PKD1L3: variants seen among roughly 807,000 people sequenced by gnomAD.
PKD1L3 encodes polycystin 1 like 3, transient receptor potential channel interacting, also known as polycystin-1-like protein 3.
In PKD1L3, 239 loss-of-function variants were observed where a neutral mutation model predicts 184.1. The observed-to-expected ratio is 1.30, with a 90% confidence interval of 1.17 to 1.45. PKD1L3 has a LOEUF of 1.45. PKD1L3 is among the 40% of genes most tolerant of loss of function. PKD1L3 has a pLI of 0.00. For missense variants in PKD1L3, 2,660 were observed against 2,067.2 expected (o/e 1.29, Z -5.56); for synonymous variants, 996 against 778.8 (o/e 1.28, Z -4.64).
At chr16:71,964,908 G>A (rs1340948171) in intron 15 of PKD1L3, among the ~76,000 whole-genome samples, 2 of 148,200 alleles carry the variant, frequency 1.3e-5, no homozygotes, top group East Asian at 4.0e-4. Context: ...GTGCAGCGGT[G>A]CGATCTTGGC....
At chr16:71,976,943 CTG>C (rs1349422841) in intron 11 of PKD1L3, among the ~76,000 whole-genome samples, 2 of 152,312 alleles carry the variant, frequency 1.3e-5, no homozygotes, top group South Asian at 2.1e-4. Context: ...CAGGGTTTCA[CTG>C]TGTTAGCCAG....
chr16:71,973,571 T>C (rs2039804427), intron 11 of PKD1L3, 54 bp from the exon 12 acceptor site: 3 of 1,417,806 alleles, frequency 2.1e-6, no homozygotes, highest in East Asian at 2.5e-5. Flanking sequence ...AAAACACCAA[T>C]GAACCTCTCT....
At chr16:71,992,951 C>T (rs1489363819) in intron 3 of PKD1L3, among the ~76,000 whole-genome samples, 1 of 152,168 alleles carries the variant, frequency 6.6e-6, no homozygotes, top group Non-Finnish European at 1.5e-5. Flanking sequence ...TTTAAGACGA[C>T]TACTTTGTTG....
chr16:71,971,583 G>C (rs1052141300), intron 12 of PKD1L3, among the ~76,000 whole-genome samples: 4 of 152,148 alleles, frequency 2.6e-5, no homozygotes, highest in African/African-American at 9.7e-5. Context: ...CAATCAACTG[G>C]TCTGTGCTGT....
intron 2 of PKD1L3, among the ~76,000 whole-genome samples, chr16:71,996,081 T>G (rs777016708): frequency 6.6e-6 from 1 of 152,168 alleles, no homozygotes; most frequent in Non-Finnish European, 1.5e-5. Flanking sequence ...TATTTTGAGA[T>G]AATTGTATAT....
intron 24 of PKD1L3, among the ~76,000 whole-genome samples, chr16:71,939,926 G>A (rs1291044823): frequency 2.0e-5 from 3 of 152,158 alleles, no homozygotes; most frequent in Non-Finnish European, 4.4e-5. Context: ...CAAACTGCTG[G>A]AAGCTGAAAA....
At chr16:71,953,306 G>A (rs371636452) in intron 17 of PKD1L3, among the ~76,000 whole-genome samples, 6 of 152,106 alleles carry the variant, frequency 3.9e-5, no homozygotes, top group Non-Finnish European at 7.3e-5. Context: ...GTATTCTAAC[G>A]TTAGGGCAGT....
chr16:71,936,861 T>G (rs2038198474), intron 25 of PKD1L3, among the ~76,000 whole-genome samples: 1 of 152,178 alleles, frequency 6.6e-6, no homozygotes, highest in African/African-American at 2.4e-5. Flanking sequence ...AAAGTACTAT[T>G]TCTATAGACT....
chr16:71,967,129 G>A lies in PKD1L3; in HGVS notation c.2465+8C>T. ...AGCAGCAACAGCCAACAGGATATAA[G>A]TACTCACCAGGAGGGACTGACGCCA... On this transcript the variant is annotated splice_region_variant and intron_variant, in intron 15 of 29. Coordinates refer to ENST00000620267, the MANE Select transcript of PKD1L3 (RefSeq NM_181536.2). 1 of 1,550,796 alleles carries A rather than the reference G, an allele frequency of 6.4e-7. No individual in the cohort carries two copies. The highest frequency in any genetic ancestry group is 8.7e-7 in the Non-Finnish European group (1 of 1,146,332).
Position 71,966,987 on chromosome 16 carries a change from A to G in PKD1L3, c.2465+150T>C, listed in dbSNP as rs1342347192. The G allele has an allele frequency of 3.5e-6, 3 of 852,200 alleles. No homozygotes were observed. The East Asian group carries it at 8.3e-5, about 24-fold the overall frequency. The allele number at this position is 852,200 out of a possible 1,614,324, so 52.8% of individuals were successfully genotyped here. On this transcript the variant is annotated intron_variant, in intron 15 of 29. Coordinates refer to ENST00000620267, the MANE Select transcript of PKD1L3 (RefSeq NM_181536.2). Reference sequence around the variant, plus strand: ...TCTCTCACACTTCTTTCCAGGGCTTATTCTGTGTAGACAGCTTTGAAACTG... The same window carrying G: ...TCTCTCACACTTCTTTCCAGGGCTTGTTCTGTGTAGACAGCTTTGAAACTG...
At chr16:71,980,668 T>C (rs1302556748) in intron 7 of PKD1L3, among the ~76,000 whole-genome samples, 3 of 152,132 alleles carry the variant, frequency 2.0e-5, no homozygotes, top group Admixed American at 6.6e-5. Flanking sequence ...ACCCTGTCTC[T>C]ACTAAAAGTA....
rs12708919 is a variant in PKD1L3, at chr16:71,953,096, G to A, written c.2810-3C>T. The A allele has an allele frequency of 0.49, 710,539 of 1,439,036 alleles. 182,860 individuals carry two copies. Among genetic ancestry groups the A allele is most frequent in the East Asian group, 0.93 (32,433 of 34,998 alleles). 89.1% of individuals were successfully genotyped at this position (1,439,036 alleles called of 1,614,324 possible). On this transcript the variant is annotated splice_region_variant and splice_polypyrimidine_tract_variant and intron_variant, in intron 17 of 29. Coordinates refer to ENST00000620267, the MANE Select transcript of PKD1L3 (RefSeq NM_181536.2). ...CCAGGCCACAGCAAATGGACGCACT[G>A]AAAGAAAAGCATGACATCAACTTTC...
At chr16:71,954,378 A>G in intron 16 of PKD1L3, 77 bp from the exon 17 acceptor site, 9 of 1,208,274 alleles carry the variant, frequency 7.4e-6, no homozygotes, top group Non-Finnish European at 1.0e-5. Flanking sequence ...TGATTTGCCC[A>G]GCAACAAGCG....
In PKD1L3 at chr16:71,935,581, C is replaced by G. The variant is rs558667167; in HGVS notation, c.4453-63G>C. On this transcript the variant is annotated intron_variant, in intron 25 of 29. Coordinates refer to ENST00000620267, the MANE Select transcript of PKD1L3 (RefSeq NM_181536.2). ...GAGATTAGCTAGGTCTCTCCCTGCTCAAGTGTGATGAACGCAGCTGATGTC... is the reference window on the plus strand; with the variant it reads ...GAGATTAGCTAGGTCTCTCCCTGCTGAAGTGTGATGAACGCAGCTGATGTC... 14 of 1,479,058 alleles carry G rather than the reference C, an allele frequency of 9.5e-6. No homozygotes were observed. In the South Asian group the frequency reaches 1.8e-4, roughly 19 times the overall value. 91.6% of individuals were successfully genotyped at this position (1,479,058 alleles called of 1,614,324 possible).
At chr16:71,930,539 A>G (rs112466815) in intron 28 of PKD1L3, 96 of 166,558 alleles carry the variant, frequency 5.8e-4, no homozygotes, top group African/African-American at 1.9e-3. Context: ...GATTAAATGC[A>G]TACCAGAAAT....
At chr16:71,970,243 G>T in intron 12 of PKD1L3, 138 bp from the exon 13 acceptor site, 4 of 679,910 alleles carry the variant, frequency 5.9e-6, no homozygotes, top group Non-Finnish European at 9.9e-6. Context: ...GCGTAAATTG[G>T]TATAACCAAT....
intron 16 of PKD1L3, among the ~76,000 whole-genome samples, chr16:71,961,801 G>A (rs763085782): frequency 2.0e-5 from 3 of 152,128 alleles, no homozygotes; most frequent in Non-Finnish European, 2.9e-5. Flanking sequence ...ACTCAGTTTT[G>A]GGAGTAATTT....
At chr16:71,982,279 T>TA (rs1491118140) in intron 6 of PKD1L3, 44 bp from the exon 7 acceptor site, 1 of 132,914 alleles carries the variant, frequency 7.5e-6, no homozygotes, top group Non-Finnish European at 1.2e-5. Flanking sequence ...AATTGTTTGC[T>TA]TTTTTTTTTT....
rs993137413 is a variant in PKD1L3, at chr16:71,929,812, G to A, written c.5059-134C>T. 1.5e-5 allele frequency: 15 copies of A among 1,026,482 alleles called. No individual in the cohort carries two copies. In the African/African-American group the frequency reaches 2.4e-4, roughly 17 times the overall value. 63.6% of individuals were successfully genotyped at this position (1,026,482 alleles called of 1,614,324 possible). On this transcript the variant is annotated intron_variant, in intron 29 of 29. Transcript: ENST00000620267. ...TATTTCTTTAATAATTTGCAGTCAG[G>A]CATTGGAGTGTTTCCACTAATGGTT...
Sources: allele counts gnomAD v4.1 joint callset (sites outside exome capture counted in the v4.1 genomes callset), GRCh38; gene constraint gnomAD v4.1.1; transcripts MANE v1.5; gene names NCBI Gene and HGNC (gene_info 2026-07-23, HGNC 2026-07-21).